Variants in SSH2 observed in about 807,000 individuals in gnomAD.
The protein encoded by SSH2 is slingshot protein phosphatase 2, also known as protein phosphatase Slingshot homolog 2.
Under a neutral mutation model 135.2 loss-of-function variants are expected in SSH2, and 37 were observed. The observed-to-expected ratio is 0.27, with a 90% CI of 0.21 to 0.36. The LOEUF (loss-of-function observed/expected upper bound fraction) is 0.36, where lower values mean the gene tolerates loss of function less well. Among genes scored for constraint, SSH2 ranks in the 10% least tolerant of loss-of-function variants. SSH2 has a pLI of 1.00. For synonymous variants in SSH2, 628 were observed against 646.2 expected (o/e 0.97, Z 0.43); for missense variants, 1,408 against 1,765.3 (o/e 0.80, Z 3.63).
chr17:29,879,220 T>C (rs1467903919), intron 1 of SSH2, among the ~76,000 whole-genome samples: 1 of 152,188 alleles, frequency 6.6e-6, no homozygotes, highest in Non-Finnish European at 1.5e-5. Context: ...AGTTTAAGTA[T>C]TATCATTTCC....
intron 3 of SSH2, among the ~76,000 whole-genome samples, chr17:29,703,823 C>T (rs2039089879): frequency 2.0e-5 from 3 of 152,118 alleles, no homozygotes; most frequent in South Asian, 4.1e-4. Context: ...ATGTGATCCA[C>T]CAGCCTCGGC....
In SSH2 at chr17:29,695,267, A is replaced by T. The variant is rs973315749; in HGVS notation, c.357+192T>A. ...TTTTCTGAACTTCAATTGTAATTATAGTTAATAACTTACAAATTGGTGCTT... is the reference window on the plus strand; with the variant it reads ...TTTTCTGAACTTCAATTGTAATTATTGTTAATAACTTACAAATTGGTGCTT... On this transcript the variant is annotated intron_variant, in intron 5 of 15. Transcript: ENST00000540801. Among the ~76,000 whole-genome samples, 5 of 152,224 alleles carry T rather than the reference A, an allele frequency of 3.3e-5. No homozygotes were observed. The South Asian group carries it at 6.2e-4, about 19-fold the overall frequency.
At chr17:29,929,746 G>C in intron 1 of SSH2, 192 bp downstream of exon 1, 1 of 609,974 alleles carries the variant, frequency 1.6e-6, no homozygotes, top group East Asian at 2.8e-5. Context: ...AGGGTGATGG[G>C]GGCAAAAATC....
intron 2 of SSH2, among the ~76,000 whole-genome samples, chr17:29,817,303 A>C (rs1383956350): frequency 6.6e-6 from 1 of 152,050 alleles, no homozygotes; most frequent in Non-Finnish European, 1.5e-5. Context: ...TTACCCTCCC[A>C]TTTTACACAA....
intron 11 of SSH2, 147 bp downstream of exon 11, chr17:29,666,720 G>T: frequency 1.4e-6 from 1 of 695,108 alleles, no homozygotes. Flanking sequence ...AAATAATTAG[G>T]AAGTGATGAG....
At chr17:29,675,754 T>C (rs2037685311) in intron 8 of SSH2, 1 of 152,988 alleles carries the variant, frequency 6.5e-6, no homozygotes, top group Non-Finnish European at 1.5e-5. Context: ...TAAGCTATGA[T>C]TGCACCACTG....
intron 12 of SSH2, among the ~76,000 whole-genome samples, chr17:29,655,191 C>A (rs1567848183): frequency 6.6e-6 from 1 of 152,022 alleles, no homozygotes; most frequent in Non-Finnish European, 1.5e-5. Context: ...GCAAGCTCCG[C>A]CTCCCAGGTT....
Position 29,648,128 on chromosome 17 carries a change from A to G in SSH2, c.1427+16T>C. The G allele has an allele frequency of 6.2e-7, 1 of 1,612,444 alleles. No homozygotes were observed. Among genetic ancestry groups the G allele is most frequent in the African/African-American group, 1.3e-5 (1 of 75,002 alleles). Reference sequence around the variant, plus strand: ...AACTTAAAAGGAGGGAGAATTGGAGAAAGTCACTGACTCACCTTGCCAGCA... The same window carrying G: ...AACTTAAAAGGAGGGAGAATTGGAGGAAGTCACTGACTCACCTTGCCAGCA... On this transcript the variant is annotated intron_variant, in intron 14 of 15. Coordinates refer to ENST00000540801, the MANE Select transcript of SSH2 (RefSeq NM_001282129.2).
intron 3 of SSH2, among the ~76,000 whole-genome samples, chr17:29,721,904 G>A (rs752600605): frequency 6.6e-6 from 1 of 152,150 alleles, no homozygotes; most frequent in Non-Finnish European, 1.5e-5. Flanking sequence ...ACTCAACAAA[G>A]GGCAGAAAAG....
chr17:29,767,633 A>G (rs2041478990), intron 3 of SSH2, among the ~76,000 whole-genome samples: 2 of 151,292 alleles, frequency 1.3e-5, no homozygotes, highest in Admixed American at 6.6e-5. Flanking sequence ...ACACACGCAC[A>G]CACACACACA....
chr17:29,709,015 TAGAG>T (rs58190730), intron 3 of SSH2, among the ~76,000 whole-genome samples: 1,927 of 81,464 alleles, frequency 0.024, 30 homozygotes, highest in Non-Finnish European at 0.03. Flanking sequence ...TATATATATA[TAGAG>T]AGAGAGAGAG....
At chr17:29,701,711 C>T (rs1048665009) in intron 4 of SSH2, among the ~76,000 whole-genome samples, 1 of 151,848 alleles carries the variant, frequency 6.6e-6, no homozygotes, top group Non-Finnish European at 1.5e-5. Context: ...GCTGAGATTA[C>T]AGCAGTGTAC....
chr17:29,671,025 T>C (rs530779428), intron 9 of SSH2, among the ~76,000 whole-genome samples: 53 of 152,214 alleles, frequency 3.5e-4, no homozygotes, highest in African/African-American at 1.1e-3. Flanking sequence ...TTTCAACACA[T>C]AGACCTAAAA....
chr17:29,756,464 A>C (rs1016296523), intron 3 of SSH2, among the ~76,000 whole-genome samples: 2 of 148,954 alleles, frequency 1.3e-5, no homozygotes, highest in Non-Finnish European at 3.0e-5. Context: ...CTGTCTATCT[A>C]TCCATCCACC....
chr17:29,862,077 C>G (rs138259641), intron 1 of SSH2, among the ~76,000 whole-genome samples: 1 of 152,318 alleles, frequency 6.6e-6, no homozygotes, highest in Non-Finnish European at 1.5e-5. Flanking sequence ...TTAATCCACT[C>G]ATAGTATTTT....
chr17:29,669,218 C>T (rs908036891), intron 9 of SSH2, among the ~76,000 whole-genome samples: 2 of 151,720 alleles, frequency 1.3e-5, no homozygotes, highest in African/African-American at 4.9e-5. Flanking sequence ...CATTGCACTC[C>T]AGCCTGGGCC....
At chr17:29,706,404 T>A (rs964685441) in intron 3 of SSH2, among the ~76,000 whole-genome samples, 1 of 152,160 alleles carries the variant, frequency 6.6e-6, no homozygotes, top group Non-Finnish European at 1.5e-5. Flanking sequence ...CTGGGGGTGG[T>A]GGTGCCTTGA....
At chr17:29,818,195 A>G (rs1204516944) in intron 2 of SSH2, among the ~76,000 whole-genome samples, 3 of 148,706 alleles carry the variant, frequency 2.0e-5, no homozygotes, top group Non-Finnish European at 4.5e-5. Flanking sequence ...TATTTTTTAA[A>G]TTTTCTGAAT....
At position 29,914,613 on chromosome 17, in the gene SSH2, TCAAA is replaced by T. The variant is rs570006400; in HGVS notation, c.63+15321_63+15324del. 1.2e-3 allele frequency among the ~76,000 whole-genome samples: 187 copies of T among 151,850 alleles called. 2 individuals are homozygous for T. Among genetic ancestry groups the T allele is most frequent in the African/African-American group, 4.4e-3 (181 of 41,442 alleles). ...CCAAAGAGTATTTCTTGTCAGTTCT[TCAAA>T]CAAACATTAATAATTTAAATGAAGA... On this transcript the variant is annotated intron_variant, in intron 1 of 15. Coordinates refer to ENST00000540801, the MANE Select transcript of SSH2 (RefSeq NM_001282129.2).
Sources: gnomAD v4.1 joint callset for allele counts (sites outside exome capture counted in the v4.1 genomes callset) on GRCh38, gnomAD v4.1.1 for gene constraint, MANE v1.5 for transcripts, NCBI Gene and HGNC (gene_info 2026-07-23, HGNC 2026-07-21) for gene names.